CHRM2: variants seen among roughly 807,000 people sequenced by gnomAD.
CHRM2 encodes the protein muscarinic acetylcholine receptor M2.
Under a neutral mutation model 25.0 loss-of-function variants are expected in CHRM2, and 8 were observed. The ratio of observed to expected loss-of-function variants is 0.32; its 90% CI spans 0.19 to 0.58. The LOEUF is 0.58. CHRM2 is among the 20% of genes least tolerant of loss of function. The pLI is 0.88. For synonymous variants in CHRM2, 202 were observed against 205.7 expected, an observed-to-expected ratio of 0.98 and a Z score of 0.15; for missense variants, 440 against 567.1, an observed-to-expected ratio of 0.78 and a Z score of 2.28.
chr7:136,884,942 T>G (rs1360600584), intron 2 of CHRM2, among the ~76,000 whole-genome samples: 1 of 152,192 alleles, frequency 6.6e-6, no homozygotes, highest in Non-Finnish European at 1.5e-5. Context: ...AAAATCAGTT[T>G]TTCTGTTTGT....
intron 2 of CHRM2, among the ~76,000 whole-genome samples, chr7:136,943,753 A>T (rs1799906551): frequency 9.8e-6 from 1 of 102,342 alleles, no homozygotes; most frequent in Non-Finnish European, 2.1e-5. Context: ...CAACAGGAGA[A>T]TAGAACAGAG....
At chr7:136,959,152 A>G (rs1800908657) in intron 2 of CHRM2, among the ~76,000 whole-genome samples, 1 of 152,180 alleles carries the variant, frequency 6.6e-6, no homozygotes, top group South Asian at 2.1e-4. Context: ...CTTAGCTTCT[A>G]TCCTCTAATA....
intron 3 of CHRM2, among the ~76,000 whole-genome samples, chr7:137,007,554 T>C (rs1367799935): frequency 6.6e-6 from 1 of 152,100 alleles, no homozygotes; most frequent in Non-Finnish European, 1.5e-5. Flanking sequence ...TCATAATGTG[T>C]TGCATGGCTC....
chr7:136,930,898 C>CAAAAAAAAAAAAAAAAAAAAA (rs57705639), intron 2 of CHRM2, among the ~76,000 whole-genome samples: 30 of 61,148 alleles, frequency 4.9e-4, no homozygotes, highest in Non-Finnish European at 8.2e-4. Context: ...CTCATTCTCT[C>CAAAAAAAAAAAAAAAAAAAAA]AAAAAAAAAA....
intron 2 of CHRM2, among the ~76,000 whole-genome samples, chr7:136,981,279 A>G (rs1236193415): frequency 6.6e-6 from 1 of 152,176 alleles, no homozygotes; most frequent in Non-Finnish European, 1.5e-5. Context: ...CAGTGGGATC[A>G]GTGGTAATAT....
chr7:136,917,518 G>C (rs1798190321), intron 2 of CHRM2, among the ~76,000 whole-genome samples: 1 of 151,896 alleles, frequency 6.6e-6, no homozygotes, highest in Non-Finnish European at 1.5e-5. Flanking sequence ...TGTCTCCCAG[G>C]GTTCCACTCT....
intron 2 of CHRM2, among the ~76,000 whole-genome samples, chr7:136,963,269 T>G (rs1801208713): frequency 6.6e-6 from 1 of 152,144 alleles, no homozygotes; most frequent in Non-Finnish European, 1.5e-5. Flanking sequence ...ATTCCTTTTC[T>G]GTTTTCCGTT....
chr7:136,997,821 C>T (rs548143894), intron 3 of CHRM2, among the ~76,000 whole-genome samples: 49 of 152,250 alleles, frequency 3.2e-4, no homozygotes, highest in Non-Finnish European at 6.0e-4. Flanking sequence ...TCCCTCCCTT[C>T]TTGCAGGGCT....
intron 2 of CHRM2, among the ~76,000 whole-genome samples, chr7:136,983,098 C>T (rs324620): frequency 0.85 from 129,085 of 152,124 alleles, 55,696 homozygotes; most frequent in Middle Eastern, 0.97. Flanking sequence ...TAGGTTTGGT[C>T]TTTTCACATA....
At position 137,015,609 on chromosome 7, in the gene CHRM2, G is replaced by T. The variant is rs1428222549; in HGVS notation, c.744G>T (p.Met248Ile). The T allele has an allele frequency of 2.5e-6, 4 of 1,612,954 alleles. No individual in the cohort carries two copies. The Admixed American group carries it at 6.7e-5, about 27-fold the overall frequency. The change falls in exon 4 of 4, where the codon ATG becomes ATT. Residue 248 changes from methionine (M) to isoleucine (I), a missense_variant. Met to Ile is a conservative substitution (Grantham distance 10). This residue lies in a region of CHRM2 where 261 missense variants were observed against 261.8 expected (regional missense o/e 1.00). Transcript: ENST00000680005. This position sits in a 1 kb window ranked among gnomAD's most constrained non-coding sequence, Gnocchi z 5.1. ...GRIVKPNNNN[M>I]PSSDDGLEHN... Reference sequence around the variant, plus strand: ...TAGTGAAGCCAAACAATAACAACATGCCCAGCAGTGACGATGGCCTGGAGC... The same window carrying T: ...TAGTGAAGCCAAACAATAACAACATTCCCAGCAGTGACGATGGCCTGGAGC...
intron 2 of CHRM2, among the ~76,000 whole-genome samples, chr7:136,874,823 C>T (rs1183691295): frequency 6.6e-6 from 1 of 151,222 alleles, no homozygotes; most frequent in Non-Finnish European, 1.5e-5. Flanking sequence ...ACTATGTATA[C>T]AGTTATGGCA....
In CHRM2 at chr7:137,015,835, T is replaced by C; in HGVS notation, c.970T>C (p.Cys324Arg). The stretch of plus-strand genomic sequence containing the variant: ...CAAAGATGAGAACTCTAAGCAAACA[T>C]GCATCAGAATTGGCACCAAGACCCC... ...HSKDENSKQT[C>R]IRIGTKTPKS... The change falls in exon 4 of 4, where the codon TGC becomes CGC. Residue 324 changes from cysteine (C) to arginine (R), a missense_variant. Cys to Arg is a radical substitution (Grantham distance 180). This residue lies in a region of CHRM2 where 261 missense variants were observed against 261.8 expected (regional missense o/e 1.00). Coordinates refer to ENST00000680005, the MANE Select transcript of CHRM2 (RefSeq NM_001006630.2). The surrounding 1 kb of genome is among the most constrained non-coding windows in gnomAD (Gnocchi z 5.1). 1 of 1,612,802 alleles carries C rather than the reference T, an allele frequency of 6.2e-7. No individual in the cohort carries two copies. The highest frequency in any genetic ancestry group is 8.5e-7 in the Non-Finnish European group (1 of 1,179,298).
In CHRM2 at chr7:136,989,465, T is replaced by C. The variant is rs570861630; in HGVS notation, c.-124-2722T>C. ...TAGTTTATATAAAGAGAATAAAACC[T>C]ATCTTGTCTTGCAAACTAATTGCTA... On this transcript the variant is annotated intron_variant, in intron 2 of 3. Coordinates refer to ENST00000680005, the MANE Select transcript of CHRM2 (RefSeq NM_001006630.2). Among the ~76,000 whole-genome samples the C allele has an allele frequency of 5.3e-5, 8 of 152,280 alleles. No homozygotes were observed. In the South Asian group the frequency reaches 1.0e-3, roughly 20 times the overall value.
At chr7:136,884,195 T>C (rs1323359240) in intron 2 of CHRM2, among the ~76,000 whole-genome samples, 3 of 152,198 alleles carry the variant, frequency 2.0e-5, no homozygotes, top group Non-Finnish European at 4.4e-5. Flanking sequence ...GAAAGTATGA[T>C]GGATGAACTC....
intron 3 of CHRM2, among the ~76,000 whole-genome samples, chr7:137,006,135 G>T (rs2131088472): frequency 6.6e-6 from 1 of 152,226 alleles, no homozygotes; most frequent in South Asian, 2.1e-4. Flanking sequence ...TTTGAGTTCT[G>T]TCAAATCCTT....
rs1301920697 is a variant in CHRM2, at chr7:136,911,311, A to G, written c.-125+41893A>G. Among the ~76,000 whole-genome samples the G allele has an allele frequency of 3.9e-5, 6 of 151,960 alleles. No homozygotes were observed. In the East Asian group the frequency reaches 9.7e-4, roughly 25 times the overall value. On this transcript the variant is annotated intron_variant, in intron 2 of 3. Transcript: ENST00000680005. ...CAAAAAGAACAAGAAAAATGCAAAG[A>G]TAACATTTATATAGTGTTTTCTGTG...
At chr7:136,901,617 T>G (rs989207152) in intron 2 of CHRM2, among the ~76,000 whole-genome samples, 6 of 151,954 alleles carry the variant, frequency 3.9e-5, no homozygotes, top group African/African-American at 1.4e-4. Context: ...TGTCATTTTT[T>G]TCCCCCATTT....
intron 2 of CHRM2, among the ~76,000 whole-genome samples, chr7:136,950,095 G>T (rs2130851627): frequency 6.6e-6 from 1 of 152,146 alleles, no homozygotes; most frequent in African/African-American, 2.4e-5. Context: ...GCATTTTTCT[G>T]ACTAATAATC....
At chr7:136,942,913 C>T (rs560278073) in intron 2 of CHRM2, among the ~76,000 whole-genome samples, 1 of 151,308 alleles carries the variant, frequency 6.6e-6, no homozygotes, top group Admixed American at 6.6e-5. Context: ...TTTCTAACCC[C>T]TTACTGTCAG....
Sources: allele counts gnomAD v4.1 joint callset (sites outside exome capture counted in the v4.1 genomes callset), GRCh38; gene constraint gnomAD v4.1.1; regional missense constraint gnomAD v4.1.1; non-coding constraint Gnocchi (gnomAD v3.1); transcripts MANE v1.5; gene names NCBI Gene and HGNC (gene_info 2026-07-23, HGNC 2026-07-21).